PLB1: variants seen among roughly 807,000 people sequenced by gnomAD.
PLB1 encodes phospholipase B1, also known as phospholipase B1, membrane-associated.
PLB1 carries 242 observed loss-of-function variants against 227.4 expected under a neutral mutation model. That is an observed-to-expected ratio of 1.06 (90% CI 0.96 to 1.18). PLB1 has a LOEUF of 1.18. Among genes scored for constraint, PLB1 ranks in the 50% most tolerant of loss-of-function variants. The pLI, the probability that PLB1 is intolerant of heterozygous loss-of-function variation, is 0.00. For synonymous variants in PLB1, 757 were observed against 682.2 expected, an observed-to-expected ratio of 1.11 and a Z score of -1.71; for missense variants, 1,858 against 1,816.3, an observed-to-expected ratio of 1.02 and a Z score of -0.42.
chr2:28,592,813 G>A (rs928943514), intron 32 of PLB1, 94 bp downstream of exon 32: 10 of 1,140,764 alleles, frequency 8.8e-6, no homozygotes, highest in African/African-American at 1.6e-5. Flanking sequence ...CCTGTCCTCT[G>A]CCTTATCTTG....
chr2:28,522,799 G>A (rs191062492), intron 4 of PLB1, among the ~76,000 whole-genome samples: 42 of 152,250 alleles, frequency 2.8e-4, no homozygotes, highest in African/African-American at 8.4e-4. Context: ...CGGGTACCTC[G>A]AACTTCAGGA....
chr2:28,551,219 A>G (rs1674194355), intron 16 of PLB1, among the ~76,000 whole-genome samples: 1 of 152,216 alleles, frequency 6.6e-6, no homozygotes, highest in African/African-American at 2.4e-5. Flanking sequence ...GATTGTGTGG[A>G]GCTCGAAAGC....
intron 17 of PLB1, among the ~76,000 whole-genome samples, chr2:28,557,522 C>T (rs901122779): frequency 6.6e-6 from 1 of 152,190 alleles, no homozygotes; most frequent in Non-Finnish European, 1.5e-5. Context: ...AAAGCCCTAG[C>T]ATGCCAAGCC....
rs1477731243 is a variant in PLB1 at position 28,566,844 on chromosome 2, G to A, written c.1324+5G>A. On this transcript the variant is annotated splice_donor_5th_base_variant and intron_variant, in intron 20 of 57. Transcript: ENST00000327757. The stretch of plus-strand genomic sequence containing the variant: ...GCACCGTTACCACCCTGGCGAGTGA[G>A]TACGCGGCGGCGGCCGGGATGTTTG... 2 of 1,613,982 alleles carry A rather than the reference G, an allele frequency of 1.2e-6. No homozygotes were observed. Among genetic ancestry groups the A allele is most frequent in the East Asian group, 2.2e-5 (1 of 44,850 alleles).
chr2:28,529,636 A>G, intron 7 of PLB1, 92 bp from the exon 8 acceptor site: 1 of 1,333,770 alleles, frequency 7.5e-7, no homozygotes, highest in Non-Finnish European at 1.1e-6. Flanking sequence ...AAGCTTAGAG[A>G]CTGACACCTG....
At chr2:28,505,321 T>C (rs1398129555) in intron 1 of PLB1, among the ~76,000 whole-genome samples, 1 of 152,226 alleles carries the variant, frequency 6.6e-6, no homozygotes, top group Non-Finnish European at 1.5e-5. Context: ...ATTTAAACTT[T>C]TAAATGGACT....
At chr2:28,601,854 C>T (rs772837512) in intron 37 of PLB1, 45 bp from the exon 38 acceptor site, 5 of 1,513,304 alleles carry the variant, frequency 3.3e-6, no homozygotes, top group Non-Finnish European at 4.6e-6. Flanking sequence ...ACTGCCCTCC[C>T]ACCCTAACCA....
chr2:28,539,841 A>G (rs1240023936), intron 11 of PLB1, among the ~76,000 whole-genome samples: 1 of 151,796 alleles, frequency 6.6e-6, no homozygotes, highest in East Asian at 1.9e-4. Context: ...GGACTGAGAG[A>G]TGAAGGGGGA....
At chr2:28,508,277 C>G (rs1404278314) in intron 1 of PLB1, among the ~76,000 whole-genome samples, 2 of 152,140 alleles carry the variant, frequency 1.3e-5, no homozygotes, top group African/African-American at 4.8e-5. Flanking sequence ...TCTTGAAGGC[C>G]TGCTCACCTC....
chr2:28,619,606 A>AATTT (rs1158959049), intron 46 of PLB1, among the ~76,000 whole-genome samples: 2 of 151,236 alleles, frequency 1.3e-5, no homozygotes, highest in Non-Finnish European at 2.9e-5. Context: ...TTAGAGAACG[A>AATTT]ATTTGGAAAT....
intron 9 of PLB1, among the ~76,000 whole-genome samples, chr2:28,537,737 G>A (rs1039191001): frequency 6.6e-6 from 1 of 151,466 alleles, no homozygotes; most frequent in Non-Finnish European, 1.5e-5. Context: ...ATGACCTGCA[G>A]GAAGGGGAGT....
At chr2:28,544,818 C>T (rs762674104) in intron 14 of PLB1, among the ~76,000 whole-genome samples, 10 of 152,100 alleles carry the variant, frequency 6.6e-5, no homozygotes, top group Admixed American at 1.3e-4. Flanking sequence ...GATGCAGCAG[C>T]AAGGGCAGGA....
At chr2:28,524,929 C>A (rs1670031932) in intron 4 of PLB1, among the ~76,000 whole-genome samples, 1 of 148,176 alleles carries the variant, frequency 6.7e-6, no homozygotes, top group Non-Finnish European at 1.5e-5. Context: ...CTTGCTGCAA[C>A]CTCTGCCTCC....
chr2:28,595,894 T>A (rs1682824715), intron 33 of PLB1: 1 of 152,162 alleles, frequency 6.6e-6, no homozygotes. Context: ...TGTGAATATT[T>A]CCAAGGCCCC....
At chr2:28,630,524 T>TC (rs1688461035) in intron 53 of PLB1, 62 bp from the exon 54 acceptor site, 6 of 1,470,120 alleles carry the variant, frequency 4.1e-6, no homozygotes, top group Non-Finnish European at 5.7e-6. Context: ...AGAGCCAGCC[T>TC]CCCAGGAGGA....
intron 46 of PLB1, among the ~76,000 whole-genome samples, chr2:28,618,891 T>G (rs1421420950): frequency 6.6e-6 from 1 of 152,168 alleles, no homozygotes; most frequent in Non-Finnish European, 1.5e-5. Context: ...GCCATTGTTG[T>G]GTACACCAAC....
At chr2:28,509,193 T>A (rs1336024660) in intron 1 of PLB1, among the ~76,000 whole-genome samples, 1 of 152,208 alleles carries the variant, frequency 6.6e-6, no homozygotes, top group African/African-American at 2.4e-5. Flanking sequence ...ATCATAAGTA[T>A]ACGAACATCA....
chr2:28,620,352 A>C lies in PLB1; in HGVS notation c.3383+20A>C. 1 of 1,578,916 alleles carries C rather than the reference A, an allele frequency of 6.3e-7. No homozygotes were observed. The highest frequency in any genetic ancestry group is 8.6e-7 in the Non-Finnish European group (1 of 1,157,512). ...TTGGAGGTGAGGATGTTCTTGATGC[A>C]TGCTCTATTGATGATGCTCTCTCAG... On this transcript the variant is annotated intron_variant, in intron 47 of 57. Coordinates refer to ENST00000327757, the MANE Select transcript of PLB1 (RefSeq NM_153021.5).
In PLB1 at chr2:28,543,256, C is replaced by T; in HGVS notation, c.924C>T (p.Leu308=). The T allele has an allele frequency of 6.2e-7, 1 of 1,612,406 alleles. No homozygotes were observed. ...LQDSTTLAWH[L]WNRMMEPAGE... is the part of the protein sequence containing the mutation. ...ATTCTACCACGCTGGCCTGGCATCT[C>T]TGGAATAGGATGGTGAGTAGATGGG... Residue 308 remains leucine (L), a synonymous_variant, in exon 14 of 58, where the codon CTC becomes CTT. Coordinates refer to ENST00000327757, the MANE Select transcript of PLB1 (RefSeq NM_153021.5).
Sources: allele counts gnomAD v4.1 joint callset (sites outside exome capture counted in the v4.1 genomes callset), GRCh38; gene constraint gnomAD v4.1.1; transcripts MANE v1.5; gene names NCBI Gene and HGNC (gene_info 2026-07-23, HGNC 2026-07-21).